Variants in TRIO observed in about 807,000 individuals in gnomAD.
TRIO encodes triple functional domain protein.
In TRIO, 58 loss-of-function variants were observed where a neutral mutation model predicts 351.9. The ratio of observed to expected loss-of-function variants is 0.16; its 90% confidence interval spans 0.13 to 0.21. TRIO has a LOEUF of 0.21. Ranked by LOEUF, TRIO falls within the 10% of genes least tolerant of loss-of-function variation. The probability of loss-of-function intolerance (pLI) is 1.00; values close to 1 mark genes in which losing one functional copy is unlikely to be tolerated. For missense variants in TRIO, 3,201 were observed against 4,027.8 expected, an observed-to-expected ratio of 0.79 and a Z score of 5.56; for synonymous variants, 1,758 against 1,595.7, an observed-to-expected ratio of 1.10 and a Z score of -2.42.
chr5:14,182,283 C>G (rs1789829837), intron 1 of TRIO, among the ~76,000 whole-genome samples: 1 of 152,184 alleles, frequency 6.6e-6, no homozygotes, highest in South Asian at 2.1e-4. Flanking sequence ...TTTGGTAGAA[C>G]CGCCTATTAC....
intron 11 of TRIO, among the ~76,000 whole-genome samples, chr5:14,355,143 G>C (rs534964023): frequency 6.6e-6 from 1 of 152,330 alleles, no homozygotes; most frequent in Admixed American, 6.5e-5. Context: ...CCCACCACCT[G>C]CATGTGGAAG....
chr5:14,344,798 C>T (rs950826432), intron 11 of TRIO, among the ~76,000 whole-genome samples: 1 of 152,168 alleles, frequency 6.6e-6, no homozygotes, highest in Non-Finnish European at 1.5e-5. Flanking sequence ...ACATCAAAAC[C>T]AAAAGCCTTT....
At chr5:14,284,136 C>T (rs935106631) in intron 3 of TRIO, among the ~76,000 whole-genome samples, 1 of 152,034 alleles carries the variant, frequency 6.6e-6, no homozygotes, top group Non-Finnish European at 1.5e-5. Flanking sequence ...CCTCTAGGAA[C>T]GAAACAAGTA....
chr5:14,495,253 T>G (rs2126670703), intron 49 of TRIO, among the ~76,000 whole-genome samples: 2 of 152,312 alleles, frequency 1.3e-5, no homozygotes, highest in Middle Eastern at 3.4e-3. Flanking sequence ...TGAACAGATG[T>G]GGAGCTGCTT....
chr5:14,298,420 A>G (rs1737557131), intron 7 of TRIO, among the ~76,000 whole-genome samples: 1 of 152,196 alleles, frequency 6.6e-6, no homozygotes, highest in East Asian at 1.9e-4. Flanking sequence ...GTAGAGGAAA[A>G]TGGTTGCTTA....
In TRIO at chr5:14,172,382, C is replaced by G. The variant is rs535146521; in HGVS notation, c.157+28500C>G. On this transcript the variant is annotated intron_variant, in intron 1 of 56. Transcript: ENST00000344204. ...GTTCCAAAATAACTAAACAGTGTCACAGAGAGTAGTGACAGGCAGACTCAT... is the reference window on the plus strand; with the variant it reads ...GTTCCAAAATAACTAAACAGTGTCAGAGAGAGTAGTGACAGGCAGACTCAT... Among the ~76,000 whole-genome samples, 13 of 152,310 alleles carry G rather than the reference C, an allele frequency of 8.5e-5. No individual in the cohort carries two copies. The East Asian group carries it at 2.5e-3, about 29-fold the overall frequency.
At chr5:14,501,196 ATAATT>A (rs1318555374) in intron 53 of TRIO, among the ~76,000 whole-genome samples, 1 of 152,182 alleles carries the variant, frequency 6.6e-6, no homozygotes. Flanking sequence ...GCCTAGTGAA[ATAATT>A]TTATTTTTAT....
chr5:14,317,711 G>T (rs1246394657), intron 9 of TRIO, among the ~76,000 whole-genome samples: 1 of 152,190 alleles, frequency 6.6e-6, no homozygotes, highest in Non-Finnish European at 1.5e-5. Context: ...CGTTGAATGG[G>T]CCAGGTGCGG....
At chr5:14,213,181 A>G (rs996069297) in intron 1 of TRIO, among the ~76,000 whole-genome samples, 3 of 152,172 alleles carry the variant, frequency 2.0e-5, no homozygotes, top group African/African-American at 7.2e-5. Context: ...TTTGGTTGGA[A>G]TGAAGGAGAA....
At chr5:14,276,049 G>GT (rs55864994) in intron 2 of TRIO, among the ~76,000 whole-genome samples, 111 of 142,544 alleles carry the variant, frequency 7.8e-4, no homozygotes, top group African/African-American at 1.3e-3. Context: ...ATGGACATTT[G>GT]TTTTTTTTTT....
At chr5:14,332,221 A>G (rs1171180747) in intron 10 of TRIO, among the ~76,000 whole-genome samples, 1 of 152,212 alleles carries the variant, frequency 6.6e-6, no homozygotes, top group Non-Finnish European at 1.5e-5. Context: ...ACCTGTCACA[A>G]AGTTATTATC....
In TRIO at chr5:14,363,710, G is replaced by T. The variant is rs1392962637; in HGVS notation, c.2392-22G>T. The T allele has an allele frequency of 1.8e-5, 28 of 1,597,330 alleles. No individual in the cohort carries two copies. The Admixed American group carries it at 2.6e-4, about 15-fold the overall frequency. On this transcript the variant is annotated intron_variant, in intron 13 of 56. Coordinates refer to ENST00000344204, the MANE Select transcript of TRIO (RefSeq NM_007118.4). ...GCTGCATGTATATTTTTTTTGTCTT[G>T]ATCTTAAATACCTTCTTTCAGATTA...
At chr5:14,467,200 A>C (rs956127138) in intron 37 of TRIO, among the ~76,000 whole-genome samples, 3 of 152,186 alleles carry the variant, frequency 2.0e-5, no homozygotes, top group African/African-American at 7.2e-5. Context: ...TGTCAGGTGA[A>C]TTTTCAACAC....
In TRIO at chr5:14,487,748, C is replaced by CCCTCCCTG; in HGVS notation, c.7127_7134dup (p.Pro2379CysfsTer37). 1.4e-6 allele frequency: 2 copies of CCCTCCCTG among 1,401,920 alleles called. No individual in the cohort carries two copies. Among genetic ancestry groups the CCCTCCCTG allele is most frequent in the Non-Finnish European group, 9.3e-7 (1 of 1,072,552 alleles). The allele number at this position is 1,401,920 out of a possible 1,614,324, so 86.8% of individuals were successfully genotyped here. On this transcript the variant is annotated frameshift_variant, in exon 48 of 57. Coordinates refer to ENST00000344204, the MANE Select transcript of TRIO (RefSeq NM_007118.4). LOFTEE classifies it high-confidence loss of function. ...GATGTCAGGTACGTCCACCCCCGGG[C>CCCTCCCTG]CCTCCCTGCCTCCCCCTGGCGCGGC...
Position 14,468,458 on chromosome 5 carries a change from G to A in TRIO, c.5763+2818G>A, listed in dbSNP as rs535854856. 2.0e-5 allele frequency among the ~76,000 whole-genome samples: 3 copies of A among 152,298 alleles called. No individual in the cohort carries two copies. In the East Asian group the frequency reaches 5.8e-4, roughly 29 times the overall value. ...GTTCACTGGTGCCTTCCCCTCCCTT[G>A]GGAGAACCATGTTTGTACTTTATGT... is the stretch of plus-strand genomic sequence containing the variant. On this transcript the variant is annotated intron_variant, in intron 37 of 56. Coordinates refer to ENST00000344204, the MANE Select transcript of TRIO (RefSeq NM_007118.4).
rs983104783 is a variant in TRIO, at chr5:14,161,753, G to A, written c.157+17871G>A. On this transcript the variant is annotated intron_variant, in intron 1 of 56. Coordinates refer to ENST00000344204, the MANE Select transcript of TRIO (RefSeq NM_007118.4). ...TACTTGTAGTTTGTTTTGAGACAGC[G>A]TCTCACCCTGTCACCCAGGCTAGAG... 4.0e-4 allele frequency among the ~76,000 whole-genome samples: 61 copies of A among 152,310 alleles called. 1 individual carries two copies. The highest frequency in any genetic ancestry group is 1.3e-3 in the African/African-American group (54 of 41,572).
At position 14,492,781 on chromosome 5, in the gene TRIO, C is replaced by T. The variant is rs1335783894; in HGVS notation, c.7847C>T (p.Ala2616Val). Residue 2616 changes from alanine (A) to valine (V), a missense_variant, in exon 49 of 57, where the codon GCA becomes GTA. Coordinates refer to ENST00000344204, the MANE Select transcript of TRIO (RefSeq NM_007118.4). Reference protein sequence around the residue: ...IPGFVLGHTSAVIVENPDGTL... With the variant: ...IPGFVLGHTSVVIVENPDGTL... ...GGCTTTGTCCTGGGCCACACCAGTG[C>T]AGTCATCGTGGAGAACCCGGACGGG... The T allele has an allele frequency of 1.9e-6, 3 of 1,613,998 alleles. No individual in the cohort carries two copies. The highest frequency in any genetic ancestry group is 2.5e-6 in the Non-Finnish European group (3 of 1,180,032).
intron 31 of TRIO, among the ~76,000 whole-genome samples, chr5:14,402,907 G>A (rs1748211923): frequency 2.0e-5 from 3 of 151,908 alleles, no homozygotes. Flanking sequence ...GATGGTGAGG[G>A]TACAGATTTT....
At chr5:14,420,150 A>G (rs1749997439) in intron 34 of TRIO, 129 bp downstream of exon 34, 1 of 1,395,446 alleles carries the variant, frequency 7.2e-7, no homozygotes, top group Admixed American at 2.3e-5. Flanking sequence ...GCACATGGTC[A>G]CTGACTGTCC....
Sources: allele counts gnomAD v4.1 joint callset (sites outside exome capture counted in the v4.1 genomes callset), GRCh38; gene constraint gnomAD v4.1.1; transcripts MANE v1.5; gene names NCBI Gene and HGNC (gene_info 2026-07-23, HGNC 2026-07-21).